The following DNAJC3 variants were observed in gnomAD, a reference collection of about 807,000 sequenced individuals.
The protein encoded by DNAJC3 is dnaJ homolog subfamily C member 3.
In DNAJC3, 38 loss-of-function variants were observed where a neutral mutation model predicts 68.6. The ratio of observed to expected loss-of-function variants is 0.55; its 90% CI spans 0.43 to 0.73. The LOEUF (loss-of-function observed/expected upper bound fraction) is 0.73. Ranked by LOEUF, DNAJC3 falls within the 30% of genes least tolerant of loss-of-function variation. The pLI is 0.00. For missense variants in DNAJC3, 526 were observed against 591.9 expected, an observed-to-expected ratio of 0.89 and a Z score of 1.16; for synonymous variants, 203 against 204.0, an observed-to-expected ratio of 1.00 and a Z score of 0.04.
chr13:95,761,188 C>G (rs1594012049), intron 7 of DNAJC3, among the ~76,000 whole-genome samples: 1 of 151,654 alleles, frequency 6.6e-6, no homozygotes. Context: ...ATAGAATGTA[C>G]ATAGGATAAT....
At chr13:95,701,668 C>G (rs1880589228) in intron 1 of DNAJC3, among the ~76,000 whole-genome samples, 1 of 152,158 alleles carries the variant, frequency 6.6e-6, no homozygotes, top group African/African-American at 2.4e-5. Flanking sequence ...GTTAATCTGT[C>G]TTTTGTTACA....
intron 4 of DNAJC3, among the ~76,000 whole-genome samples, chr13:95,749,851 C>T (rs1882419525): frequency 6.6e-6 from 1 of 152,104 alleles, no homozygotes; most frequent in African/African-American, 2.4e-5. Flanking sequence ...AGATTGACAC[C>T]ATCCTGGCCA....
Position 95,723,376 on chromosome 13 carries a change from T to C in DNAJC3, c.318+10T>C. 1.9e-6 allele frequency: 3 copies of C among 1,603,340 alleles called. No individual in the cohort carries two copies. Among genetic ancestry groups the C allele is most frequent in the Non-Finnish European group, 2.6e-6 (3 of 1,174,340 alleles). ...GATGGACTTCACTGCAGTAAGTATA[T>C]CTCAACTTTCTTTAAAGGGGAACTT... On this transcript the variant is annotated intron_variant, in intron 3 of 11. Coordinates refer to ENST00000602402, the MANE Select transcript of DNAJC3 (RefSeq NM_006260.5).
chr13:95,723,116 G>A, intron 2 of DNAJC3, 126 bp from the exon 3 acceptor site: 1 of 883,546 alleles, frequency 1.1e-6, no homozygotes, highest in Non-Finnish European at 1.6e-6. Context: ...TTTTGATGAT[G>A]AGATTCTTTT....
At chr13:95,739,758 T>C (rs1172236244) in intron 4 of DNAJC3, among the ~76,000 whole-genome samples, 1 of 152,076 alleles carries the variant, frequency 6.6e-6, no homozygotes, top group East Asian at 1.9e-4. Context: ...TTGGTTTGAA[T>C]GTCCTCCCGT....
At chr13:95,745,140 A>G (rs1882263802) in intron 4 of DNAJC3, 2 of 152,228 alleles carry the variant, frequency 1.3e-5, no homozygotes, top group Admixed American at 1.3e-4. Flanking sequence ...GGTTTGGTTT[A>G]TAAACTTGGG....
intron 5 of DNAJC3, 73 bp from the exon 6 acceptor site, chr13:95,759,967 A>G (rs1882770723): frequency 7.1e-7 from 1 of 1,407,444 alleles, no homozygotes; most frequent in South Asian, 1.8e-5. Flanking sequence ...ACGTAGATAA[A>G]AAATACGTGG....
chr13:95,734,504 T>G (rs1311603793), intron 4 of DNAJC3, among the ~76,000 whole-genome samples: 1 of 152,230 alleles, frequency 6.6e-6, no homozygotes, highest in Non-Finnish European at 1.5e-5. Context: ...GGAGAAGTCC[T>G]TTTTGAACTG....
intron 4 of DNAJC3, among the ~76,000 whole-genome samples, chr13:95,738,691 TC>T (rs1882018196): frequency 6.6e-6 from 1 of 152,208 alleles, no homozygotes; most frequent in South Asian, 2.1e-4. Context: ...TCTTCCTCCA[TC>T]CTTTTATTTT....
chr13:95,705,268 A>G (rs1172863189), intron 1 of DNAJC3, among the ~76,000 whole-genome samples: 4 of 152,140 alleles, frequency 2.6e-5, no homozygotes, highest in Non-Finnish European at 4.4e-5. Flanking sequence ...TGCCACCCAT[A>G]GAGTATGTCA....
At chr13:95,767,434 G>A (rs73554957) in intron 9 of DNAJC3, among the ~76,000 whole-genome samples, 2,299 of 152,238 alleles carry the variant, frequency 0.015, 61 homozygotes, top group African/African-American at 0.052. Flanking sequence ...ACTGATGAAC[G>A]TTTGTGTTGT....
intron 1 of DNAJC3, among the ~76,000 whole-genome samples, chr13:95,690,413 A>G (rs1348703907): frequency 6.6e-6 from 1 of 151,674 alleles, no homozygotes; most frequent in Admixed American, 6.6e-5. Context: ...CAACCATCCG[A>G]TTTCTCAATC....
chr13:95,754,767 T>C (rs7989595), intron 4 of DNAJC3, among the ~76,000 whole-genome samples: 1,768 of 152,190 alleles, frequency 0.012, 17 homozygotes, highest in Middle Eastern at 0.037. Context: ...GAGGCGAGGA[T>C]CACTGGGGGC....
At chr13:95,724,835 G>A (rs79723098) in intron 3 of DNAJC3, among the ~76,000 whole-genome samples, 1 of 152,250 alleles carries the variant, frequency 6.6e-6, no homozygotes, top group African/African-American at 2.4e-5. Context: ...TTATGGCTGA[G>A]TAATATTGTA....
chr13:95,729,399 CCTCTCT>C (rs1034858124), intron 4 of DNAJC3, among the ~76,000 whole-genome samples: 1 of 150,180 alleles, frequency 6.7e-6, no homozygotes, highest in African/African-American at 2.5e-5. Flanking sequence ...TCTCCCTCTC[CCTCTCT>C]CCATACACAC....
At chr13:95,790,813 T>C in intron 11 of DNAJC3, 60 bp from the exon 12 acceptor site, 1 of 756,000 alleles carries the variant, frequency 1.3e-6, no homozygotes. Context: ...AAAGAAAACA[T>C]TCCCCCTGCC....
At chr13:95,752,036 A>G (rs1287334889) in intron 4 of DNAJC3, among the ~76,000 whole-genome samples, 1 of 152,210 alleles carries the variant, frequency 6.6e-6, no homozygotes, top group Non-Finnish European at 1.5e-5. Flanking sequence ...ACAATTCAAG[A>G]TGAGATTTGG....
At chr13:95,782,595 A>G (rs1268893971) in intron 9 of DNAJC3, among the ~76,000 whole-genome samples, 2 of 152,128 alleles carry the variant, frequency 1.3e-5, no homozygotes, top group Non-Finnish European at 2.9e-5. Flanking sequence ...GGCTGCATAC[A>G]TGTCTTCTTT....
In DNAJC3 at chr13:95,793,648, G is replaced by A. The variant is rs9561961; in HGVS notation, c.*2618G>A. Reference sequence around the variant, plus strand: ...CTGGCTAATTTTTGTATTTTTAGTAGAAATGGGGTTTCACTGTGTTAGCCA... The same window carrying A: ...CTGGCTAATTTTTGTATTTTTAGTAAAAATGGGGTTTCACTGTGTTAGCCA... On this transcript the variant is annotated 3_prime_UTR_variant, in exon 12 of 12. Coordinates refer to ENST00000602402, the MANE Select transcript of DNAJC3 (RefSeq NM_006260.5). 1 of 152,398 alleles carries A rather than the reference G, an allele frequency of 6.6e-6. No individual in the cohort carries two copies. The highest frequency in any genetic ancestry group is 1.5e-5 in the Non-Finnish European group (1 of 68,306). 9.4% of individuals were successfully genotyped at this position (152,398 alleles called of 1,614,324 possible). A position where few individuals can be genotyped will look rare whatever the true frequency, so the allele number is the denominator to read the frequency against.
Sources: gnomAD v4.1 joint callset for allele counts (sites outside exome capture counted in the v4.1 genomes callset) on GRCh38, gnomAD v4.1.1 for gene constraint, MANE v1.5 for transcripts, NCBI Gene and HGNC (gene_info 2026-07-23, HGNC 2026-07-21) for gene names.